Variants in RINT1 observed in about 807,000 individuals in gnomAD.
RINT1 encodes the protein RAD50 interactor 1, also known as RAD50-interacting protein 1.
RINT1 carries 75 observed loss-of-function variants against 97.7 expected under a neutral mutation model. The observed-to-expected ratio is 0.77, with a 90% confidence interval of 0.64 to 0.93. The LOEUF is 0.93. Among genes scored for constraint, RINT1 ranks in the 40% least tolerant of loss-of-function variants. The pLI is 0.00. For synonymous variants in RINT1, 303 were observed against 326.3 expected, an observed-to-expected ratio of 0.93 and a Z score of 0.77; for missense variants, 892 against 925.2, an observed-to-expected ratio of 0.96 and a Z score of 0.47.
intron 11 of RINT1, among the ~76,000 whole-genome samples, chr7:105,556,640 C>G (rs557349664): frequency 6.6e-5 from 10 of 152,146 alleles, no homozygotes; most frequent in African/African-American, 2.4e-4. Context: ...ACCATAAGGC[C>G]TTTTCCCTCC....
intron 11 of RINT1, among the ~76,000 whole-genome samples, chr7:105,557,871 G>T (rs1266057947): frequency 6.6e-6 from 1 of 152,104 alleles, no homozygotes; most frequent in East Asian, 1.9e-4. Flanking sequence ...TCTGTACTCT[G>T]TCTGGGACTT....
rs543913992 is a variant in RINT1 at position 105,563,628 on chromosome 7, G to T, written c.1672-105G>T. Reference sequence around the variant, plus strand: ...ATTACAGGCATGAGCCACCGTGCCCGGTCGAATTATACACTTTAAATGGGT... The same window carrying T: ...ATTACAGGCATGAGCCACCGTGCCCTGTCGAATTATACACTTTAAATGGGT... On this transcript the variant is annotated intron_variant, in intron 11 of 14. Coordinates refer to ENST00000257700, the MANE Select transcript of RINT1 (RefSeq NM_021930.6). The T allele has an allele frequency of 7.3e-6, 7 of 960,360 alleles. No individual in the cohort carries two copies. In the South Asian group the frequency reaches 1.1e-4, roughly 16 times the overall value. The allele number at this position is 960,360 out of a possible 1,614,324, so 59.5% of individuals were successfully genotyped here.
At position 105,550,366 on chromosome 7, in the gene RINT1, G is replaced by A. The variant is rs768687841; in HGVS notation, c.1213G>A (p.Val405Ile). ...DNLFCHLVDE[V>I]LLFERELHSV... is the part of the protein sequence containing the mutation. ...TCTCTTCTGTCATTTGGTGGATGAA[G>A]TACTCTTGTTTGAAAGGGAGCTACA... The change falls in exon 9 of 15, where the codon GTA (valine) becomes ATA (isoleucine). Residue 405 changes from valine (V) to isoleucine (I), a missense_variant. Val to Ile is a conservative substitution (Grantham distance 29). Coordinates refer to ENST00000257700, the MANE Select transcript of RINT1 (RefSeq NM_021930.6). The A allele has an allele frequency of 3.2e-5, 52 of 1,614,036 alleles. No individual in the cohort carries two copies. The highest frequency in any genetic ancestry group is 4.2e-5 in the Non-Finnish European group (49 of 1,179,968).
intron 6 of RINT1, among the ~76,000 whole-genome samples, chr7:105,547,650 G>A (rs1790725905): frequency 6.6e-6 from 1 of 151,178 alleles, no homozygotes; most frequent in South Asian, 2.1e-4. Flanking sequence ...TTAATCAAAT[G>A]ATACTTGAAT....
chr7:105,567,366 T>C lies in RINT1; in HGVS notation c.*55T>C, dbSNP rs1586279246. On this transcript the variant is annotated 3_prime_UTR_variant, in exon 15 of 15. Coordinates refer to ENST00000257700, the MANE Select transcript of RINT1 (RefSeq NM_021930.6). ...TTGTTTCTAAGAAAGAGGAAGCCAA[T>C]TGGATTTCAAGTTATATGATGAAAT... 1.6e-6 allele frequency: 2 copies of C among 1,227,450 alleles called. No individual in the cohort carries two copies. Among genetic ancestry groups the C allele is most frequent in the Non-Finnish European group, 1.2e-6 (1 of 853,578 alleles). 76.0% of individuals were successfully genotyped at this position (1,227,450 alleles called of 1,614,324 possible).
At chr7:105,554,334 A>G (rs1230419389) in intron 10 of RINT1, among the ~76,000 whole-genome samples, 1 of 152,126 alleles carries the variant, frequency 6.6e-6, no homozygotes, top group Non-Finnish European at 1.5e-5. Context: ...TGCCCGGCCA[A>G]CTGCCTGTAA....
chr7:105,542,714 CAT>C, intron 4 of RINT1, 65 bp downstream of exon 4: 9 of 1,474,376 alleles, frequency 6.1e-6, no homozygotes, highest in Non-Finnish European at 7.3e-6. Context: ...TTAGAGAGTA[CAT>C]GTGTGCCATT....
chr7:105,548,578 G>GCAACTC lies in RINT1; in HGVS notation c.866_871dup (p.Gln289_Leu290dup). ...GAGATGAATTACTTACTGAGCCAAAGCAACTCCCAGAAAAATACTCTCTTC... is the reference window on the plus strand; with the variant it reads ...GAGATGAATTACTTACTGAGCCAAAGCAACTCCAACTCCCAGAAAAATACTCTCTTC... On this transcript the variant is annotated inframe_insertion, in exon 7 of 15. Coordinates refer to ENST00000257700, the MANE Select transcript of RINT1 (RefSeq NM_021930.6). 6.2e-7 allele frequency: 1 copy of GCAACTC among 1,614,050 alleles called. No individual in the cohort carries two copies. The highest frequency in any genetic ancestry group is 8.5e-7 in the Non-Finnish European group (1 of 1,180,002).
At chr7:105,542,192 A>G (rs1790484635) in intron 3 of RINT1, 1 of 396,592 alleles carries the variant, frequency 2.5e-6, no homozygotes, top group Non-Finnish European at 4.4e-6. Context: ...AAGAAAAGCC[A>G]GGTGTAGTGG....
chr7:105,553,011 T>C (rs570656568), intron 10 of RINT1, among the ~76,000 whole-genome samples: 4 of 151,942 alleles, frequency 2.6e-5, no homozygotes, highest in Non-Finnish European at 4.4e-5. Context: ...ATATGAAAAA[T>C]ACTAAGACAA....
intron 1 of RINT1, 93 bp downstream of exon 1, chr7:105,532,450 C>T: frequency 1.4e-6 from 2 of 1,402,626 alleles, no homozygotes; most frequent in Non-Finnish European, 2.0e-6. Flanking sequence ...TGCGGTGGCC[C>T]TGTAAGCTTG....
At chr7:105,552,873 C>T (rs573500201) in intron 10 of RINT1, among the ~76,000 whole-genome samples, 1 of 151,798 alleles carries the variant, frequency 6.6e-6, no homozygotes, top group Non-Finnish European at 1.5e-5. Context: ...GGGGTTTCAC[C>T]ATCTTAGCCA....
intron 2 of RINT1, among the ~76,000 whole-genome samples, chr7:105,535,980 T>C (rs977806088): frequency 4.6e-5 from 7 of 152,266 alleles, no homozygotes; most frequent in Non-Finnish European, 8.8e-5. Context: ...AATTTTTCCT[T>C]TAATACTTCC....
In RINT1 at chr7:105,554,062, C is replaced by G. The variant is rs530439229; in HGVS notation, c.1472-966C>G. 3.3e-5 allele frequency among the ~76,000 whole-genome samples: 5 copies of G among 151,778 alleles called. No individual in the cohort carries two copies. In the South Asian group the frequency reaches 8.3e-4, roughly 25 times the overall value. ...TACAGGCACCCGCCACCACACTCGG[C>G]TAATTTTTTGTATTTTTAGTAGAGA... On this transcript the variant is annotated intron_variant, in intron 10 of 14. Coordinates refer to ENST00000257700, the MANE Select transcript of RINT1 (RefSeq NM_021930.6).
rs777242801 is a variant in RINT1 at position 105,542,444 on chromosome 7, C to T, written c.310C>T (p.Arg104Ter). ...TISSEIPKRIRSALKNAEESK... is the reference protein window; with the variant it reads ...TISSEIPKRI The stretch of plus-strand genomic sequence containing the variant: ...TTCATCAGAAATTCCTAAAAGAATT[C>T]GAAGTGCCTTAAAAAATGCAGAAGA... Residue 104 changes from arginine (R) to a stop codon, truncating the protein, a stop_gained, in exon 4 of 15, where the codon CGA becomes TGA. Coordinates refer to ENST00000257700, the MANE Select transcript of RINT1 (RefSeq NM_021930.6). LOFTEE classifies it high-confidence loss of function. 7 of 1,611,150 alleles carry T rather than the reference C, an allele frequency of 4.3e-6. No individual in the cohort carries two copies. The highest frequency in any genetic ancestry group is 5.9e-6 in the Non-Finnish European group (7 of 1,177,754).
In RINT1 at chr7:105,547,338, C is replaced by T. The variant is rs1026023752; in HGVS notation, c.839+5C>T. 6.2e-7 allele frequency: 1 copy of T among 1,613,222 alleles called. No individual in the cohort carries two copies. The highest frequency in any genetic ancestry group is 1.3e-5 in the African/African-American group (1 of 75,034). ...GCTTTTGAAACTACAAACCTCGTATCTTTGTTGCAGCTGAAAACTTACTAA... is the reference window on the plus strand; with the variant it reads ...GCTTTTGAAACTACAAACCTCGTATTTTTGTTGCAGCTGAAAACTTACTAA... On this transcript the variant is annotated splice_donor_5th_base_variant and intron_variant, in intron 6 of 14. Coordinates refer to ENST00000257700, the MANE Select transcript of RINT1 (RefSeq NM_021930.6).
chr7:105,548,839 C>CTGTTTT, intron 7 of RINT1, 129 bp downstream of exon 7: 1 of 824,694 alleles, frequency 1.2e-6, no homozygotes, highest in South Asian at 1.8e-5. Context: ...GGCTACATTC[C>CTGTTTT]TGTTTTGTTA....
chr7:105,532,982 C>A, intron 2 of RINT1, 113 bp downstream of exon 2: 1 of 911,440 alleles, frequency 1.1e-6, no homozygotes. Context: ...CCGTTTTCTG[C>A]ACAATATGCT....
Position 105,536,731 on chromosome 7 carries a change from A to C in RINT1, c.255A>C (p.Lys85Asn). 6.3e-7 allele frequency: 1 copy of C among 1,596,702 alleles called. No individual in the cohort carries two copies. Among genetic ancestry groups the C allele is most frequent in the Non-Finnish European group, 8.5e-7 (1 of 1,173,222 alleles). The change falls in exon 3 of 15, where the codon AAA (lysine) becomes AAC (asparagine). Residue 85 changes from lysine (K) to asparagine (N), a missense_variant. Physicochemically the swap from Lys to Asn is moderately conservative, Grantham distance 94. Coordinates refer to ENST00000257700, the MANE Select transcript of RINT1 (RefSeq NM_021930.6). Reference sequence around the variant, plus strand: ...TCATAGAACAGAGGACAGTAAGTAAAATGCAGTTAGAAGAACAGGTAAGTA... The same window carrying C: ...TCATAGAACAGAGGACAGTAAGTAACATGCAGTTAGAAGAACAGGTAAGTA... Reference protein sequence around the residue: ...DKLIEQRTVSKMQLEEQVLTI... With the variant: ...DKLIEQRTVSNMQLEEQVLTI...
Sources: allele counts gnomAD v4.1 joint callset (sites outside exome capture counted in the v4.1 genomes callset), GRCh38; gene constraint gnomAD v4.1.1; transcripts MANE v1.5; gene names NCBI Gene and HGNC (gene_info 2026-07-23, HGNC 2026-07-21).